AUTS2: variants seen among roughly 807,000 people sequenced by gnomAD.
The protein encoded by AUTS2 is activator of transcription and developmental regulator AUTS2.
Under a neutral mutation model 112.4 loss-of-function variants are expected in AUTS2, and 17 were observed. The observed-to-expected ratio is 0.15, with a 90% CI of 0.10 to 0.23. The LOEUF is 0.23. Ranked by LOEUF, AUTS2 falls within the 10% of genes least tolerant of loss-of-function variation. The probability of loss-of-function intolerance (pLI) is 1.00; values close to 1 mark genes in which losing one functional copy is unlikely to be tolerated. For missense variants in AUTS2, 1,510 were observed against 1,701.6 expected (o/e 0.89, Z 1.98); for synonymous variants, 751 against 702.7 (o/e 1.07, Z -1.09).
chr7:70,130,685 G>GA (rs34969590), intron 3 of AUTS2, among the ~76,000 whole-genome samples: 85 of 148,462 alleles, frequency 5.7e-4, no homozygotes, highest in African/African-American at 1.3e-3. Flanking sequence ...GGTCAAATAT[G>GA]AAAAAAAAAA....
At chr7:70,571,739 G>C (rs1037414059) in intron 5 of AUTS2, among the ~76,000 whole-genome samples, 2 of 152,200 alleles carry the variant, frequency 1.3e-5, no homozygotes, top group Non-Finnish European at 2.9e-5. Context: ...GCTGCCATGA[G>C]GTGTGCAAGG....
chr7:69,703,719 C>T (rs1453312828), intron 1 of AUTS2, among the ~76,000 whole-genome samples: 1 of 152,126 alleles, frequency 6.6e-6, no homozygotes, highest in Non-Finnish European at 1.5e-5. Context: ...CTATAAACTT[C>T]AGTAAATATC....
intron 1 of AUTS2, among the ~76,000 whole-genome samples, chr7:69,874,509 T>G (rs535770644): frequency 6.6e-6 from 1 of 152,170 alleles, no homozygotes; most frequent in Non-Finnish European, 1.5e-5. Flanking sequence ...GCTGGAGACA[T>G]GGAGGCCACT....
At chr7:70,137,645 A>G (rs1465538254) in intron 4 of AUTS2, among the ~76,000 whole-genome samples, 1 of 152,138 alleles carries the variant, frequency 6.6e-6, no homozygotes, top group Admixed American at 6.5e-5. Context: ...CGGTTATTTT[A>G]TGTCTCTGAG....
intron 4 of AUTS2, among the ~76,000 whole-genome samples, chr7:70,237,624 G>A (rs1812395637): frequency 6.6e-6 from 1 of 152,146 alleles, no homozygotes; most frequent in Non-Finnish European, 1.5e-5. Flanking sequence ...CATAATGCAT[G>A]ACAATTCAAT....
intron 5 of AUTS2, among the ~76,000 whole-genome samples, chr7:70,476,299 C>T (rs1285116269): frequency 6.6e-6 from 1 of 152,054 alleles, no homozygotes; most frequent in Non-Finnish European, 1.5e-5. Flanking sequence ...TGAGCCCTCA[C>T]GTGAGGCTCA....
chr7:70,120,641 A>G (rs1170810301), intron 3 of AUTS2, among the ~76,000 whole-genome samples: 1 of 152,130 alleles, frequency 6.6e-6, no homozygotes, highest in African/African-American at 2.4e-5. Flanking sequence ...ATGTTAGTTT[A>G]GGGGACTAGA....
chr7:70,627,724 T>G (rs1052466233), intron 5 of AUTS2, among the ~76,000 whole-genome samples: 11 of 152,222 alleles, frequency 7.2e-5, no homozygotes, highest in Non-Finnish European at 1.5e-4. Context: ...GGATCCCACA[T>G]GCAATGGAAA....
chr7:70,789,799 C>T lies in AUTS2; in HGVS notation c.2583C>T (p.Leu861=). The change falls in exon 19 of 19, where the codon CTC becomes CTT. Residue 861 remains leucine, a synonymous_variant. Transcript: ENST00000342771. ...GCCACCCTTCACCAGCACCTGTCCT[C>T]CCGGTGAATGCCCTGGGACATACCC... The part of the protein sequence containing the change: ...HSSHPSPAPV[L]PVNALGHTRS... The T allele has an allele frequency of 6.2e-7, 1 of 1,614,172 alleles. No individual in the cohort carries two copies.
intron 4 of AUTS2, among the ~76,000 whole-genome samples, chr7:70,328,102 G>A (rs1790574275): frequency 6.6e-6 from 1 of 152,110 alleles, no homozygotes; most frequent in Non-Finnish European, 1.5e-5. Context: ...TAGACAGCAG[G>A]ACCCCTTCTA....
At chr7:70,640,056 G>A (rs1805730999) in intron 5 of AUTS2, among the ~76,000 whole-genome samples, 1 of 152,072 alleles carries the variant, frequency 6.6e-6, no homozygotes, top group South Asian at 2.1e-4. Flanking sequence ...AGGCTGTCAG[G>A]CAGAAAAGAG....
intron 1 of AUTS2, among the ~76,000 whole-genome samples, chr7:69,770,800 T>C (rs956082915): frequency 2.0e-5 from 3 of 152,106 alleles, no homozygotes; most frequent in Admixed American, 6.6e-5. Flanking sequence ...CTTGCTTTTT[T>C]TCCCCCCTCA....
chr7:70,787,368 C>A lies in AUTS2; in HGVS notation c.2468C>A (p.Ala823Asp), dbSNP rs751635272. The change falls in exon 18 of 19, where the codon GCT becomes GAT. Residue 823 changes from alanine (A) to aspartate (D), a missense_variant. Physicochemically the swap from Ala to Asp is moderately radical, Grantham distance 126. Transcript: ENST00000342771. ...CTGGAGCGCAGCGCGTCCGCTGCAG[C>A]TCATGACAGAGATAGAGATGTAGAT... ...GELERSASAAAHDRDRDVDKR... is the reference protein window; with the variant it reads ...GELERSASAADHDRDRDVDKR... 6.2e-7 allele frequency: 1 copy of A among 1,614,052 alleles called. No homozygotes were observed. The highest frequency in any genetic ancestry group is 8.5e-7 in the Non-Finnish European group (1 of 1,179,948).
At chr7:70,425,478 A>G (rs1010405119) in intron 4 of AUTS2, among the ~76,000 whole-genome samples, 9 of 152,200 alleles carry the variant, frequency 5.9e-5, no homozygotes, top group Non-Finnish European at 1.0e-4. Flanking sequence ...GACATTTTCT[A>G]CTCCAAGAGG....
intron 4 of AUTS2, among the ~76,000 whole-genome samples, chr7:70,330,974 A>G (rs868278994): frequency 6.6e-6 from 1 of 152,148 alleles, no homozygotes; most frequent in Non-Finnish European, 1.5e-5. Flanking sequence ...GAATTTTTGC[A>G]TCAATGTTCA....
intron 2 of AUTS2, among the ~76,000 whole-genome samples, chr7:69,995,010 A>G (rs1454928057): frequency 6.6e-6 from 1 of 152,176 alleles, no homozygotes; most frequent in Admixed American, 6.5e-5. Context: ...CCAAATGACA[A>G]TGGGCTGTAC....
chr7:70,376,588 A>C (rs531272499), intron 4 of AUTS2, among the ~76,000 whole-genome samples: 1 of 151,748 alleles, frequency 6.6e-6, no homozygotes, highest in South Asian at 2.1e-4. Flanking sequence ...TCTTCTGGTC[A>C]CTGGCCGTCT....
At chr7:70,610,853 G>T (rs1325327125) in intron 5 of AUTS2, among the ~76,000 whole-genome samples, 1 of 152,126 alleles carries the variant, frequency 6.6e-6, no homozygotes, top group Non-Finnish European at 1.5e-5. Flanking sequence ...TTGCTGTAGA[G>T]TTGTTTGAAT....
At position 70,006,607 on chromosome 7, in the gene AUTS2, C is replaced by G. The variant is rs1304387417; in HGVS notation, c.522+107109C>G. Among the ~76,000 whole-genome samples, 3 of 152,042 alleles carry G rather than the reference C, an allele frequency of 2.0e-5. No individual in the cohort carries two copies. The East Asian group carries it at 5.8e-4, about 29-fold the overall frequency. ...GCTGCTGCTGTTGTTTTTTTTACCC[C>G]CTCCACAGACAGATGGTAAAAGAGC... is the stretch of plus-strand genomic sequence containing the variant. On this transcript the variant is annotated intron_variant, in intron 2 of 18. Transcript: ENST00000342771.
Sources: allele counts gnomAD v4.1 joint callset (sites outside exome capture counted in the v4.1 genomes callset), GRCh38; gene constraint gnomAD v4.1.1; transcripts MANE v1.5; gene names NCBI Gene and HGNC (gene_info 2026-07-23, HGNC 2026-07-21).